The following DENND1B variants were observed in gnomAD, a reference collection of about 807,000 sequenced individuals.
DENND1B encodes the protein DENN domain containing 1B, also known as DENN domain-containing protein 1B.
In DENND1B, 59 loss-of-function variants were observed where a neutral mutation model predicts 90.1. That is an observed-to-expected ratio of 0.65 (90% CI 0.53 to 0.81). DENND1B has a LOEUF of 0.81. Among genes scored for constraint, DENND1B ranks in the 40% least tolerant of loss-of-function variants. The probability of loss-of-function intolerance (pLI) is 0.00; values close to 1 mark genes in which losing one functional copy is unlikely to be tolerated. For synonymous variants in DENND1B, 337 were observed against 324.6 expected (o/e 1.04, Z -0.41); for missense variants, 862 against 912.6 (o/e 0.94, Z 0.71).
chr1:197,665,521 T>C (rs181065062), intron 5 of DENND1B, among the ~76,000 whole-genome samples: 1 of 152,294 alleles, frequency 6.6e-6, no homozygotes, highest in African/African-American at 2.4e-5. Flanking sequence ...TGCTGTTAAT[T>C]AATTGCCACA....
chr1:197,641,274 T>TA (rs564791779), intron 10 of DENND1B, among the ~76,000 whole-genome samples: 6 of 151,510 alleles, frequency 4.0e-5, no homozygotes, highest in South Asian at 4.2e-4. Flanking sequence ...TTTTTAATCT[T>TA]AAAAAAAAAT....
chr1:197,733,511 T>C (rs1358477520), intron 2 of DENND1B, among the ~76,000 whole-genome samples: 2 of 152,248 alleles, frequency 1.3e-5, no homozygotes, highest in East Asian at 1.9e-4. Flanking sequence ...AAAAGGTTTT[T>C]CACAGTGTGC....
intron 2 of DENND1B, among the ~76,000 whole-genome samples, chr1:197,729,271 CA>C (rs928135831): frequency 6.6e-6 from 1 of 152,106 alleles, no homozygotes. Context: ...GCAGCTTTTT[CA>C]GTTTTTTATT....
chr1:197,598,810 T>G (rs906764349), intron 13 of DENND1B, among the ~76,000 whole-genome samples: 3 of 151,860 alleles, frequency 2.0e-5, no homozygotes, highest in Non-Finnish European at 2.9e-5. Flanking sequence ...AAAGGACATT[T>G]TATTGTATTG....
At chr1:197,545,077 A>G (rs1464451083) in intron 18 of DENND1B, among the ~76,000 whole-genome samples, 1 of 151,554 alleles carries the variant, frequency 6.6e-6, no homozygotes, top group African/African-American at 2.4e-5. Context: ...AAGAATTCCA[A>G]GAAAAATCTT....
intron 10 of DENND1B, among the ~76,000 whole-genome samples, chr1:197,636,310 C>T (rs1056775170): frequency 3.3e-5 from 5 of 152,022 alleles, no homozygotes; most frequent in South Asian, 4.1e-4. Context: ...CCTGCAAAGA[C>T]GAGGAAAAAA....
intron 14 of DENND1B, among the ~76,000 whole-genome samples, chr1:197,590,959 T>C (rs1486350394): frequency 6.6e-6 from 1 of 152,200 alleles, no homozygotes; most frequent in Admixed American, 6.5e-5. Flanking sequence ...TGCATTCCCA[T>C]GATAAATAAT....
At position 197,651,645 on chromosome 1, in the gene DENND1B, C is replaced by CTT. The variant is rs34012616; in HGVS notation, c.447+588_447+589dup. ...GGATTTCACCTGAAAATCAATGCTT[C>CTT]TTTTTTTTTTTTTTTTTTTTTTTTT... On this transcript the variant is annotated intron_variant, in intron 7 of 22. Transcript: ENST00000620048. 1.1e-3 allele frequency among the ~76,000 whole-genome samples: 68 copies of CTT among 61,570 alleles called. 7 individuals are homozygous for CTT. Among genetic ancestry groups the CTT allele is most frequent in the South Asian group, 3.4e-3 (5 of 1,462 alleles). 40.4% of individuals were successfully genotyped at this position (61,570 alleles called of 152,430 possible).
At chr1:197,654,443 C>G (rs921076071) in intron 6 of DENND1B, among the ~76,000 whole-genome samples, 6 of 151,914 alleles carry the variant, frequency 3.9e-5, no homozygotes, top group African/African-American at 9.7e-5. Flanking sequence ...AACCGCGTCT[C>G]TACTAAAAAT....
intron 2 of DENND1B, among the ~76,000 whole-genome samples, chr1:197,755,529 G>A (rs1396027244): frequency 1.3e-5 from 2 of 151,798 alleles, no homozygotes; most frequent in African/African-American, 4.8e-5. Context: ...AATATGTGAA[G>A]AAATATATGC....
intron 11 of DENND1B, 132 bp downstream of exon 11, chr1:197,617,527 T>C: frequency 1.6e-6 from 1 of 640,618 alleles, no homozygotes; most frequent in Non-Finnish European, 2.7e-6. Context: ...AAAAGCCATC[T>C]TTACTATTTA....
At chr1:197,615,824 G>GA (rs1677596262) in intron 11 of DENND1B, among the ~76,000 whole-genome samples, 2 of 151,082 alleles carry the variant, frequency 1.3e-5, no homozygotes, top group South Asian at 4.2e-4. Flanking sequence ...CTTACTCTTT[G>GA]AACCAGGGAG....
intron 18 of DENND1B, among the ~76,000 whole-genome samples, chr1:197,541,636 G>T (rs986045501): frequency 6.6e-6 from 1 of 152,122 alleles, no homozygotes; most frequent in Non-Finnish European, 1.5e-5. Context: ...GACAACTGGG[G>T]GCTTTCACAA....
chr1:197,617,507 T>C (rs1677764196), intron 11 of DENND1B, 152 bp downstream of exon 11: 2 of 594,202 alleles, frequency 3.4e-6, no homozygotes, highest in Non-Finnish European at 6.0e-6. Flanking sequence ...AGAATTATTC[T>C]GTCCTTCATA....
chr1:197,739,565 ATCTAAATGAAC>A (rs1663022420), intron 2 of DENND1B, among the ~76,000 whole-genome samples: 1 of 152,208 alleles, frequency 6.6e-6, no homozygotes. Context: ...GGAAATGAAA[ATCTAAATGAAC>A]TCTAAATGAA....
chr1:197,538,077 G>A (rs1037187915), intron 20 of DENND1B, among the ~76,000 whole-genome samples: 4 of 151,932 alleles, frequency 2.6e-5, no homozygotes, highest in African/African-American at 9.7e-5. Context: ...AGTAGTTGTC[G>A]TAATTTGAAA....
intron 10 of DENND1B, among the ~76,000 whole-genome samples, chr1:197,625,368 T>G (rs1316081575): frequency 6.6e-6 from 1 of 152,106 alleles, no homozygotes; most frequent in East Asian, 1.9e-4. Flanking sequence ...TTCAACATTC[T>G]TAAAGAAAAG....
intron 2 of DENND1B, among the ~76,000 whole-genome samples, chr1:197,720,628 T>A (rs1196369525): frequency 1.3e-5 from 2 of 152,142 alleles, no homozygotes; most frequent in Non-Finnish European, 2.9e-5. Context: ...ATGACTTTGG[T>A]GAAGCCAGAG....
At chr1:197,727,467 G>A (rs557340604) in intron 2 of DENND1B, among the ~76,000 whole-genome samples, 108 of 151,680 alleles carry the variant, frequency 7.1e-4, no homozygotes, top group Middle Eastern at 3.4e-3. Flanking sequence ...CCCGGGAGGC[G>A]GAGCTTGCAG....
Sources: gnomAD v4.1 joint callset for allele counts (sites outside exome capture counted in the v4.1 genomes callset) on GRCh38, gnomAD v4.1.1 for gene constraint, MANE v1.5 for transcripts, NCBI Gene and HGNC (gene_info 2026-07-23, HGNC 2026-07-21) for gene names.